CEP120: variants seen among roughly 807,000 people sequenced by gnomAD.
CEP120 encodes the protein centrosomal protein 120, also known as centrosomal protein of 120 kDa.
Under a neutral mutation model 126.5 loss-of-function variants are expected in CEP120, and 113 were observed. That is an observed-to-expected ratio of 0.89 (90% CI 0.77 to 1.04). CEP120 has a LOEUF of 1.04. CEP120 is among the 50% of genes least tolerant of loss of function. CEP120 has a pLI of 0.00. For synonymous variants in CEP120, 400 were observed against 394.3 expected (o/e 1.01, Z -0.17); for missense variants, 1,230 against 1,155.7 (o/e 1.06, Z -0.93).
intron 9 of CEP120, chr5:123,388,227 A>T (rs1772152417): frequency 3.0e-6 from 1 of 331,658 alleles, no homozygotes. Flanking sequence ...TTATTATATC[A>T]GAATAATAAG....
chr5:123,412,302 C>T, intron 4 of CEP120, 97 bp downstream of exon 4: 1 of 1,142,734 alleles, frequency 8.8e-7, no homozygotes, highest in Non-Finnish European at 1.2e-6. Context: ...GAACAGTTTA[C>T]ACCCTGCATA....
Position 123,390,141 on chromosome 5 carries a change from C to T in CEP120, c.1039-1G>A. ...TCTGGGTCTTTAATTCAATTAAAGA[C>T]TAAAAACAATTTTTAAATAAAGTAT... is the stretch of plus-strand genomic sequence containing the variant. On this transcript the variant is annotated splice_acceptor_variant, in intron 7 of 19. Transcript: ENST00000306467. LOFTEE classifies it high-confidence loss of function. 1 of 1,584,978 alleles carries T rather than the reference C, an allele frequency of 6.3e-7. No individual in the cohort carries two copies. The highest frequency in any genetic ancestry group is 8.6e-7 in the Non-Finnish European group (1 of 1,163,074).
At chr5:123,380,073 G>A (rs187209869) in intron 14 of CEP120, among the ~76,000 whole-genome samples, 3 of 152,166 alleles carry the variant, frequency 2.0e-5, no homozygotes, top group Admixed American at 2.0e-4. Context: ...TTCAAAGTGT[G>A]AAAGAAGTTA....
At chr5:123,354,981 T>C (rs1400777697) in intron 18 of CEP120, among the ~76,000 whole-genome samples, 21 of 140,442 alleles carry the variant, frequency 1.5e-4, no homozygotes, top group African/African-American at 5.6e-4. Context: ...TCCCCCTTCC[T>C]GTGTCCATGT....
rs150677742 is a variant in CEP120, at chr5:123,367,903, T to G, written c.2482-3309A>C. On this transcript the variant is annotated intron_variant, in intron 17 of 19. Transcript: ENST00000306467. ...TTTTTAACTTGGGTCTTTCTTTTTG[T>G]GCATTTATCTCTTTGTCACTATTTT... 5.0e-3 allele frequency among the ~76,000 whole-genome samples: 764 copies of G among 152,046 alleles called. 5 individuals carry two copies. Among genetic ancestry groups the G allele is most frequent in the African/African-American group, 0.017 (718 of 41,522 alleles).
intron 16 of CEP120, among the ~76,000 whole-genome samples, chr5:123,375,593 G>A (rs1037764145): frequency 9.4e-5 from 5 of 53,314 alleles, no homozygotes; most frequent in African/African-American, 2.8e-4. Flanking sequence ...AAAGTGTTGG[G>A]ATTACAAGTG....
intron 16 of CEP120, among the ~76,000 whole-genome samples, chr5:123,376,914 C>T (rs1293349749): frequency 6.6e-6 from 1 of 151,696 alleles, no homozygotes; most frequent in East Asian, 1.9e-4. Context: ...CTGAGGGTGG[C>T]CAGAAAGGTA....
intron 14 of CEP120, 94 bp from the exon 15 acceptor site, chr5:123,378,522 A>C: frequency 1.6e-6 from 1 of 618,030 alleles, no homozygotes; most frequent in Non-Finnish European, 2.6e-6. Context: ...ATTTCACTGA[A>C]ACAGAGGACC....
chr5:123,377,983 T>C (rs1320490391), intron 15 of CEP120, among the ~76,000 whole-genome samples: 2 of 152,134 alleles, frequency 1.3e-5, no homozygotes, highest in African/African-American at 4.8e-5. Context: ...ATATGCTGAA[T>C]AGCAGTTTGA....
rs753627100 is a variant in CEP120 at position 123,416,029 on chromosome 5, G to A, written c.302C>T (p.Thr101Ile). The change falls in exon 3 of 20, where the codon ACC becomes ATC. Residue 101 changes from threonine (T) to isoleucine (I), a missense_variant. By Grantham distance (89) the Thr-to-Ile change is moderately conservative. Transcript: ENST00000306467. Reference sequence around the variant, plus strand: ...CAATACCTGCTTTGTTTCTTGAGCGGTTCTTAAATCCAGAACGATGTAACC... The same window carrying A: ...CAATACCTGCTTTGTTTCTTGAGCGATTCTTAAATCCAGAACGATGTAACC... ...TIGYIVLDLR[T>I]AQETKQAPKW... 1.9e-6 allele frequency: 3 copies of A among 1,612,666 alleles called. No homozygotes were observed. The East Asian group carries it at 6.7e-5, about 36-fold the overall frequency.
At chr5:123,355,195 T>C (rs28891214) in intron 18 of CEP120, among the ~76,000 whole-genome samples, 106,896 of 151,986 alleles carry the variant, frequency 0.7, 37,694 homozygotes, top group Middle Eastern at 0.72. Flanking sequence ...TTGTTGGACA[T>C]TTGGGTTGGT....
intron 16 of CEP120, among the ~76,000 whole-genome samples, chr5:123,375,711 A>G (rs764326910): frequency 5.9e-5 from 9 of 152,248 alleles, no homozygotes; most frequent in Admixed American, 1.3e-4. Context: ...TTTGTTCTAG[A>G]TGGGTGAATC....
At chr5:123,389,884 AT>A (rs1488740304) in intron 8 of CEP120, 39 bp downstream of exon 8, 1 of 1,528,958 alleles carries the variant, frequency 6.5e-7, no homozygotes, top group Non-Finnish European at 9.0e-7. Context: ...GCAAAATGCA[AT>A]ACCTCAAAGA....
intron 4 of CEP120, among the ~76,000 whole-genome samples, chr5:123,411,092 A>G (rs1774026877): frequency 6.6e-6 from 1 of 152,234 alleles, no homozygotes. Context: ...TCAACATCCT[A>G]TGTCATTGAG....
intron 4 of CEP120, among the ~76,000 whole-genome samples, chr5:123,406,390 T>C (rs1199973450): frequency 1.8e-5 from 2 of 112,728 alleles, no homozygotes; most frequent in African/African-American, 3.4e-5. Flanking sequence ...GCAGGATAAA[T>C]GCCAAAAAAA....
rs756939054 is a variant in CEP120, at chr5:123,389,987, C to T, written c.1192G>A (p.Asp398Asn). 3 of 1,614,124 alleles carry T rather than the reference C, an allele frequency of 1.9e-6. No homozygotes were observed. The highest frequency in any genetic ancestry group is 2.2e-5 in the South Asian group (2 of 91,084). Residue 398 changes from aspartate to asparagine, a missense_variant, in exon 8 of 20, where the codon GAT becomes AAT. Coordinates refer to ENST00000306467, the MANE Select transcript of CEP120 (RefSeq NM_001375405.1). Reference protein sequence around the residue: ...SHNQSPPTKDDATESEVESLQ... With the variant: ...SHNQSPPTKDNATESEVESLQ... Reference sequence around the variant, plus strand: ...CTTTCCACTTCACTTTCTGTTGCATCATCTTTTGTTGGAGGTGACTGGTTG... The same window carrying T: ...CTTTCCACTTCACTTTCTGTTGCATTATCTTTTGTTGGAGGTGACTGGTTG...
chr5:123,400,044 G>T (rs900037829), intron 4 of CEP120, among the ~76,000 whole-genome samples: 7 of 152,176 alleles, frequency 4.6e-5, no homozygotes, highest in African/African-American at 1.7e-4. Context: ...GCAGGTACAT[G>T]CTAGAATAAC....
intron 1 of CEP120, among the ~76,000 whole-genome samples, chr5:123,419,569 G>A (rs1201786697): frequency 2.0e-4 from 28 of 139,388 alleles, no homozygotes; most frequent in South Asian, 4.7e-4. Context: ...AAAAAAAACA[G>A]AATACTTTCC....
At chr5:123,420,135 T>C (rs965216587) in intron 1 of CEP120, among the ~76,000 whole-genome samples, 31 of 152,288 alleles carry the variant, frequency 2.0e-4, no homozygotes, top group African/African-American at 7.5e-4. Flanking sequence ...CTCTCCCAAT[T>C]AGCATTAACA....
Sources: allele counts gnomAD v4.1 joint callset (sites outside exome capture counted in the v4.1 genomes callset), GRCh38; gene constraint gnomAD v4.1.1; transcripts MANE v1.5; gene names NCBI Gene and HGNC (gene_info 2026-07-23, HGNC 2026-07-21).